SECISBP2L: variants seen among roughly 807,000 people sequenced by gnomAD.
SECISBP2L encodes selenocysteine insertion sequence-binding protein 2-like.
In SECISBP2L, 43 loss-of-function variants were observed where a neutral mutation model predicts 114.7. The ratio of observed to expected loss-of-function variants is 0.38; its 90% CI spans 0.29 to 0.48. The LOEUF is 0.48. Ranked by LOEUF, SECISBP2L falls within the 20% of genes least tolerant of loss-of-function variation. The pLI is 0.98. For synonymous variants in SECISBP2L, 451 were observed against 439.7 expected, an observed-to-expected ratio of 1.03 and a Z score of -0.32; for missense variants, 1,136 against 1,301.1, an observed-to-expected ratio of 0.87 and a Z score of 1.95.
chr15:49,019,688 T>A, intron 7 of SECISBP2L, 136 bp from the exon 8 acceptor site: 1 of 650,706 alleles, frequency 1.5e-6, no homozygotes, highest in Non-Finnish European at 2.2e-6. Context: ...TCACTTATTT[T>A]AAAGATCAAG....
chr15:48,992,446 T>A lies in SECISBP2L; in HGVS notation c.3104A>T (p.Lys1035Ile). The part of the protein sequence containing the change: ...QRTMETLQLG[K>I]TLNGSEEDNV... The stretch of plus-strand genomic sequence containing the variant: ...GTCTTCCTCAGAACCATTAAGGGTT[T>A]TTCCAAGCTGAAGGGTTTCCATAGT... The change falls in exon 18 of 18, where the codon AAA (lysine) becomes ATA (isoleucine). Residue 1035 changes from lysine (K) to isoleucine (I), a missense_variant. Physicochemically the swap from Lys to Ile is moderately radical, Grantham distance 102 (BLOSUM62 -3). This residue lies in a region of SECISBP2L where 684 missense variants were observed against 848.7 expected (regional missense o/e 0.81). Transcript: ENST00000559471. The A allele has an allele frequency of 6.2e-7, 1 of 1,614,148 alleles. No individual in the cohort carries two copies. The highest frequency in any genetic ancestry group is 8.5e-7 in the Non-Finnish European group (1 of 1,180,038).
chr15:48,992,069 A>G lies in SECISBP2L; in HGVS notation c.*175T>C. The G allele has an allele frequency of 1.8e-6, 1 of 546,546 alleles. No individual in the cohort carries two copies. Among genetic ancestry groups the G allele is most frequent in the South Asian group, 4.0e-5 (1 of 25,288 alleles). The allele number at this position is 546,546 out of a possible 1,614,324, so 33.9% of individuals were successfully genotyped here. On this transcript the variant is annotated 3_prime_UTR_variant, in exon 18 of 18. Transcript: ENST00000559471. ...CCACACAGTTCTTAGAAAGACACTTAGATACTAATTAAAAGCTAAGCTACA... is the reference window on the plus strand; with the variant it reads ...CCACACAGTTCTTAGAAAGACACTTGGATACTAATTAAAAGCTAAGCTACA...
intron 14 of SECISBP2L, among the ~76,000 whole-genome samples, chr15:49,004,666 T>A (rs1902281164): frequency 6.6e-6 from 1 of 152,254 alleles, no homozygotes; most frequent in Admixed American, 6.5e-5. Flanking sequence ...AACTTATTTA[T>A]CTCTGCCTTA....
At chr15:49,003,834 G>A (rs1412961221) in intron 14 of SECISBP2L, among the ~76,000 whole-genome samples, 2 of 152,110 alleles carry the variant, frequency 1.3e-5, no homozygotes, top group African/African-American at 4.8e-5. Context: ...TGCTAAATTC[G>A]GTTTGCCAGT....
At chr15:49,042,348 G>C (rs980209557) in intron 1 of SECISBP2L, 4 of 152,682 alleles carry the variant, frequency 2.6e-5, no homozygotes, top group Admixed American at 2.6e-4. Context: ...TTTAGAGATG[G>C]GGTCCCACTA....
At chr15:48,997,182 A>G (rs549329308) in intron 16 of SECISBP2L, among the ~76,000 whole-genome samples, 7 of 152,312 alleles carry the variant, frequency 4.6e-5, no homozygotes, top group African/African-American at 1.4e-4. Flanking sequence ...AGCTACAGAC[A>G]TAAGAAAAGT....
intron 1 of SECISBP2L, among the ~76,000 whole-genome samples, chr15:49,045,782 G>A (rs765001401): frequency 5.9e-5 from 9 of 152,084 alleles, no homozygotes; most frequent in Non-Finnish European, 1.3e-4. Context: ...AAACACCTCC[G>A]TAAAACCACT....
rs559686078 is a variant in SECISBP2L, at chr15:48,991,939, A to G, written c.*305T>C. The G allele has an allele frequency of 7.7e-5, 17 of 221,188 alleles. No individual in the cohort carries two copies. The highest frequency in any genetic ancestry group is 3.6e-4 in the African/African-American group (16 of 43,836). 13.7% of individuals were successfully genotyped at this position (221,188 alleles called of 1,614,324 possible). A position where few individuals can be genotyped will look rare whatever the true frequency, so the allele number is the denominator to read the frequency against. On this transcript the variant is annotated 3_prime_UTR_variant, in exon 18 of 18. Coordinates refer to ENST00000559471, the MANE Select transcript of SECISBP2L (RefSeq NM_001193489.2). Reference sequence around the variant, plus strand: ...CTTAGAACCTTGTTCTTTAACTTTCAAAATGTCTTTTAAGTAAGCATTTGA... The same window carrying G: ...CTTAGAACCTTGTTCTTTAACTTTCGAAATGTCTTTTAAGTAAGCATTTGA...
chr15:48,992,530 A>T lies in SECISBP2L; in HGVS notation c.3020T>A (p.Ile1007Lys), dbSNP rs776448612. 1.2e-6 allele frequency: 2 copies of T among 1,614,178 alleles called. No homozygotes were observed. The highest frequency in any genetic ancestry group is 1.7e-6 in the Non-Finnish European group (2 of 1,180,032). Residue 1007 changes from isoleucine (I) to lysine (K), a missense_variant, in exon 18 of 18, where the codon ATA becomes AAA. Ile to Lys is a moderately radical substitution (Grantham distance 102, BLOSUM62 -3). Transcript: ENST00000559471. The part of the protein sequence containing the change: ...EEEEDYTHEP[I>K]SVEVQLNSRI... Reference sequence around the variant, plus strand: ...ACTATTGAGCTGCACTTCTACAGATATGGGTTCATGAGTATAATCTTCCTC... The same window carrying T: ...ACTATTGAGCTGCACTTCTACAGATTTGGGTTCATGAGTATAATCTTCCTC...
intron 17 of SECISBP2L, among the ~76,000 whole-genome samples, chr15:48,995,321 T>C (rs1015632893): frequency 6.6e-6 from 1 of 152,190 alleles, no homozygotes; most frequent in Non-Finnish European, 1.5e-5. Flanking sequence ...AAGAAACATG[T>C]CTGCCTCTAA....
rs994002500 is a variant in SECISBP2L at position 48,991,921 on chromosome 15, C to A, written c.*323G>T. 4 of 193,376 alleles carry A rather than the reference C, an allele frequency of 2.1e-5. No homozygotes were observed. Among genetic ancestry groups the A allele is most frequent in the South Asian group, 1.3e-4 (1 of 7,486 alleles). 12.0% of individuals were successfully genotyped at this position (193,376 alleles called of 1,614,324 possible). On this transcript the variant is annotated 3_prime_UTR_variant, in exon 18 of 18. Transcript: ENST00000559471. ...CTGATAACTGCTTCTATCCTTAGAA[C>A]CTTGTTCTTTAACTTTCAAAATGTC...
chr15:49,035,865 T>C (rs1449395975), intron 2 of SECISBP2L, among the ~76,000 whole-genome samples: 1 of 152,156 alleles, frequency 6.6e-6, no homozygotes, highest in African/African-American at 2.4e-5. Context: ...TAAACAACAG[T>C]ATAAACGAAC....
intron 6 of SECISBP2L, 117 bp downstream of exon 6, chr15:49,028,027 T>C (rs1243093379): frequency 6.7e-6 from 6 of 890,584 alleles, no homozygotes; most frequent in African/African-American, 1.7e-5. Context: ...TTACCTTGAA[T>C]CTCTGGAAGA....
chr15:49,031,565 G>A (rs1329208742), intron 4 of SECISBP2L, among the ~76,000 whole-genome samples: 1 of 152,004 alleles, frequency 6.6e-6, no homozygotes, highest in Non-Finnish European at 1.5e-5. Flanking sequence ...AAATCTGTTA[G>A]AAATGGAAAG....
chr15:49,042,476 C>G (rs1903160955), intron 1 of SECISBP2L: 1 of 152,412 alleles, frequency 6.6e-6, no homozygotes, highest in Middle Eastern at 3.4e-3. Context: ...CTTAGGCAAC[C>G]TGGAGTTTCC....
At chr15:49,035,727 TTAACTTACAC>T in intron 2 of SECISBP2L, 69 bp from the exon 3 acceptor site, 1 of 1,391,868 alleles carries the variant, frequency 7.2e-7, no homozygotes, top group Non-Finnish European at 9.8e-7. Context: ...GCAAAATCTC[TTAACTTACAC>T]TAATAAAAGA....
intron 1 of SECISBP2L, among the ~76,000 whole-genome samples, chr15:49,041,972 T>C (rs1291547668): frequency 1.3e-5 from 2 of 152,146 alleles, no homozygotes; most frequent in African/African-American, 4.8e-5. Flanking sequence ...CAGACAATAA[T>C]GAGGAAGACA....
chr15:49,028,952 A>C (rs1008979630), intron 4 of SECISBP2L, among the ~76,000 whole-genome samples: 4 of 152,066 alleles, frequency 2.6e-5, no homozygotes, highest in Non-Finnish European at 5.9e-5. Flanking sequence ...TTTGCCTCCC[A>C]GGCTCAAGCA....
chr15:48,994,462 T>C (rs1902048030), intron 17 of SECISBP2L, among the ~76,000 whole-genome samples: 2 of 152,146 alleles, frequency 1.3e-5, no homozygotes, highest in South Asian at 4.1e-4. Flanking sequence ...AAGCCCTTCA[T>C]GATCTGGCCC....
Sources: allele counts gnomAD v4.1 joint callset (sites outside exome capture counted in the v4.1 genomes callset), GRCh38; gene constraint gnomAD v4.1.1; regional missense constraint gnomAD v4.1.1; transcripts MANE v1.5; gene names NCBI Gene and HGNC (gene_info 2026-07-23, HGNC 2026-07-21).